HS2ST1: variants seen among roughly 807,000 people sequenced by gnomAD.
The protein encoded by HS2ST1 is 2-O-sulfotransferase.
HS2ST1 carries 18 observed loss-of-function variants against 42.9 expected under a neutral mutation model. That is an observed-to-expected ratio of 0.42 (90% CI 0.29 to 0.62). HS2ST1 has a LOEUF of 0.62. Ranked by LOEUF, HS2ST1 falls within the 20% of genes least tolerant of loss-of-function variation. The pLI is 0.21. For synonymous variants in HS2ST1, 146 were observed against 152.9 expected (o/e 0.95, Z 0.33); for missense variants, 334 against 433.8 (o/e 0.77, Z 2.04).
intron 3 of HS2ST1, 95 bp from the exon 4 acceptor site, chr1:87,092,436 A>T (rs1183605026): frequency 1.5e-6 from 1 of 673,398 alleles, no homozygotes; most frequent in African/African-American, 1.9e-5. Flanking sequence ...TTTTCCTTAT[A>T]GGACCAGTAC....
chr1:87,031,389 A>T (rs2100596046), intron 1 of HS2ST1, among the ~76,000 whole-genome samples: 1 of 152,342 alleles, frequency 6.6e-6, no homozygotes, highest in African/African-American at 2.4e-5. Flanking sequence ...GATGATTCTC[A>T]TGTTGGGAGT....
intron 1 of HS2ST1, among the ~76,000 whole-genome samples, chr1:86,937,023 T>A (rs1438765173): frequency 6.6e-6 from 1 of 151,864 alleles, no homozygotes; most frequent in African/African-American, 2.4e-5. Flanking sequence ...GACAATCGCT[T>A]GAACCCGGGA....
Position 87,103,453 on chromosome 1 carries a change from T to A in HS2ST1, c.708T>A (p.Ala236=), listed in dbSNP as rs1652263183. 1.2e-6 allele frequency: 2 copies of A among 1,605,714 alleles called. No homozygotes were observed. ...SECWNVGSRW[A]MDQAKYNLIN... Reference sequence around the variant, plus strand: ...TCAGGAATGTGGGAAGCAGGTGGGCTATGGATCAAGCCAAGTATAACCTAA... The same window carrying A: ...TCAGGAATGTGGGAAGCAGGTGGGCAATGGATCAAGCCAAGTATAACCTAA... The change falls in exon 6 of 7, where the codon GCT becomes GCA. Residue 236 remains alanine, a synonymous_variant. Transcript: ENST00000370550.
chr1:87,045,166 C>A (rs988309268), intron 1 of HS2ST1: 2 of 870,678 alleles, frequency 2.3e-6, no homozygotes, highest in Non-Finnish European at 3.9e-6. Context: ...ATGCTTTTGG[C>A]AGCATCTTCA....
intron 1 of HS2ST1, among the ~76,000 whole-genome samples, chr1:86,955,495 C>T (rs1164810482): frequency 1.3e-5 from 2 of 152,112 alleles, no homozygotes; most frequent in African/African-American, 2.4e-5. Flanking sequence ...CCACAAAACC[C>T]GTCCCTCTTG....
intron 1 of HS2ST1, among the ~76,000 whole-genome samples, chr1:86,986,300 T>A (rs577984533): frequency 2.6e-5 from 4 of 152,194 alleles, no homozygotes; most frequent in Non-Finnish European, 5.9e-5. Flanking sequence ...TACAGTTTTC[T>A]TAGTTATACT....
chr1:86,991,993 G>C (rs899441472), intron 1 of HS2ST1, among the ~76,000 whole-genome samples: 18 of 152,154 alleles, frequency 1.2e-4, no homozygotes, highest in African/African-American at 3.9e-4. Flanking sequence ...ACAGCAGGAG[G>C]TGAGTGGCAT....
chr1:87,099,442 G>A (rs1040036831), intron 5 of HS2ST1, among the ~76,000 whole-genome samples: 3 of 152,170 alleles, frequency 2.0e-5, no homozygotes, highest in Admixed American at 2.0e-4. Flanking sequence ...CAGATCTTAC[G>A]TGAACTGAGC....
At chr1:87,055,606 T>C (rs143112045) in intron 1 of HS2ST1, among the ~76,000 whole-genome samples, 3 of 152,354 alleles carry the variant, frequency 2.0e-5, no homozygotes, top group African/African-American at 4.8e-5. Context: ...TTATCGCTTA[T>C]AGAAGTTGTT....
intron 1 of HS2ST1, among the ~76,000 whole-genome samples, chr1:87,050,640 T>TAAA (rs1650806705): frequency 6.6e-6 from 1 of 152,158 alleles, no homozygotes. Flanking sequence ...CTTGCTCTTA[T>TAAA]ATCACCTTGG....
At chr1:86,975,051 C>G (rs576563821) in intron 1 of HS2ST1, among the ~76,000 whole-genome samples, 4 of 152,176 alleles carry the variant, frequency 2.6e-5, no homozygotes, top group East Asian at 3.9e-4. Context: ...CTGGTGAGCT[C>G]CTGAAAGTTA....
intron 1 of HS2ST1, among the ~76,000 whole-genome samples, chr1:87,013,554 C>T (rs548240387): frequency 1.3e-5 from 2 of 152,234 alleles, no homozygotes; most frequent in African/African-American, 4.8e-5. Context: ...ATGTCATGCC[C>T]TGGAGACATT....
chr1:86,932,269 G>A (rs1660560158), intron 1 of HS2ST1: 1 of 152,110 alleles, frequency 6.6e-6, no homozygotes, highest in African/African-American at 2.4e-5. Context: ...CATGAGAGTA[G>A]AGAGTAAAAA....
intron 1 of HS2ST1, among the ~76,000 whole-genome samples, chr1:86,995,594 G>A (rs1178571366): frequency 6.6e-6 from 1 of 152,080 alleles, no homozygotes; most frequent in Non-Finnish European, 1.5e-5. Flanking sequence ...CTATGCATAA[G>A]AAATGAAATT....
In HS2ST1 at chr1:87,086,802, AT is replaced by A. The variant is rs535511920; in HGVS notation, c.449+2530del. 1.2e-3 allele frequency among the ~76,000 whole-genome samples: 180 copies of A among 151,204 alleles called. 1 individual carries two copies. The highest frequency in any genetic ancestry group is 4.1e-3 in the African/African-American group (169 of 41,384). On this transcript the variant is annotated intron_variant, in intron 3 of 6. Transcript: ENST00000370550. ...CTTTTTGTCTGAATCTTATTCTTTG[AT>A]TTTTTTAAAGTATATTTCCTAGTTC...
chr1:87,075,555 T>C (rs143009966), intron 2 of HS2ST1, among the ~76,000 whole-genome samples: 19 of 152,336 alleles, frequency 1.2e-4, no homozygotes, highest in African/African-American at 3.6e-4. Context: ...GAGATCTTTC[T>C]TAAATCTGTT....
At chr1:87,014,377 T>C (rs963411913) in intron 1 of HS2ST1, among the ~76,000 whole-genome samples, 1 of 152,152 alleles carries the variant, frequency 6.6e-6, no homozygotes, top group African/African-American at 2.4e-5. Context: ...ACTTATTTAA[T>C]AGTACAAGAA....
intron 1 of HS2ST1, among the ~76,000 whole-genome samples, chr1:86,938,380 T>G (rs1006935994): frequency 6.6e-6 from 1 of 152,182 alleles, no homozygotes; most frequent in African/African-American, 2.4e-5. Context: ...AATGAGAACC[T>G]TCTTTCCCAA....
intron 1 of HS2ST1, among the ~76,000 whole-genome samples, chr1:86,959,658 C>CA (rs375173151): frequency 6.6e-6 from 1 of 150,720 alleles, no homozygotes; most frequent in Admixed American, 6.6e-5. Context: ...ACTTTGTCTC[C>CA]AAAAAAAATA....
Sources: allele counts gnomAD v4.1 joint callset (sites outside exome capture counted in the v4.1 genomes callset), GRCh38; gene constraint gnomAD v4.1.1; transcripts MANE v1.5; gene names NCBI Gene and HGNC (gene_info 2026-07-23, HGNC 2026-07-21).